GPC6: variants seen among roughly 807,000 people sequenced by gnomAD.
GPC6 encodes the protein glypican 6, also known as glypican-6.
Under a neutral mutation model 55.2 loss-of-function variants are expected in GPC6, and 14 were observed. That is an observed-to-expected ratio of 0.25 (90% confidence interval 0.17 to 0.40). The LOEUF is 0.40. Ranked by LOEUF, GPC6 falls within the 10% of genes least tolerant of loss-of-function variation. The pLI is 1.00. For missense variants in GPC6, 641 were observed against 708.5 expected (o/e 0.90, Z 1.08); for synonymous variants, 278 against 259.6 (o/e 1.07, Z -0.68).
chr13:93,310,170 T>C (rs1879015990), intron 1 of GPC6, among the ~76,000 whole-genome samples: 1 of 152,204 alleles, frequency 6.6e-6, no homozygotes, highest in African/African-American at 2.4e-5. Flanking sequence ...TGGCTTCCAC[T>C]TGATTACTCT....
At chr13:93,938,070 A>AC (rs1878530596) in intron 3 of GPC6, among the ~76,000 whole-genome samples, 1 of 133,140 alleles carries the variant, frequency 7.5e-6, no homozygotes, top group South Asian at 2.5e-4. Context: ...TTATGATCTT[A>AC]ATATTGGGAG....
intron 1 of GPC6, among the ~76,000 whole-genome samples, chr13:93,436,712 C>T (rs1877584928): frequency 2.0e-5 from 3 of 152,106 alleles, no homozygotes; most frequent in Non-Finnish European, 4.4e-5. Context: ...AGGCTTGCTG[C>T]CCACTAATAT....
chr13:93,373,724 T>A (rs1874771660), intron 1 of GPC6, among the ~76,000 whole-genome samples: 2 of 152,216 alleles, frequency 1.3e-5, no homozygotes, highest in Admixed American at 1.3e-4. Context: ...AAATTTATGT[T>A]AATCACATAG....
chr13:93,556,702 C>G (rs1875501259), intron 2 of GPC6, among the ~76,000 whole-genome samples: 1 of 151,890 alleles, frequency 6.6e-6, no homozygotes, highest in Non-Finnish European at 1.5e-5. Flanking sequence ...TCACTCGCTG[C>G]CCGTCACTCC....
At chr13:94,065,181 C>T (rs987259941) in intron 4 of GPC6, among the ~76,000 whole-genome samples, 2 of 152,098 alleles carry the variant, frequency 1.3e-5, no homozygotes, top group Non-Finnish European at 2.9e-5. Context: ...ATGGCATATG[C>T]TTTGCCTGTT....
At chr13:93,301,085 T>C (rs1455471304) in intron 1 of GPC6, among the ~76,000 whole-genome samples, 1 of 152,220 alleles carries the variant, frequency 6.6e-6, no homozygotes, top group African/African-American at 2.4e-5. Flanking sequence ...CCCGGTTCCA[T>C]TGGCAGACAT....
intron 2 of GPC6, among the ~76,000 whole-genome samples, chr13:93,734,043 A>G (rs118134293): frequency 3.3e-3 from 503 of 152,286 alleles, no homozygotes; most frequent in Non-Finnish European, 6.0e-3. Context: ...AATATTTGCT[A>G]TTGAATTCAT....
At chr13:93,311,923 C>G (rs1185513029) in intron 1 of GPC6, among the ~76,000 whole-genome samples, 2 of 152,002 alleles carry the variant, frequency 1.3e-5, no homozygotes, top group South Asian at 2.1e-4. Context: ...CAGGCAGAAG[C>G]AATTTTAGCT....
At chr13:93,990,204 G>A (rs1245934442) in intron 3 of GPC6, among the ~76,000 whole-genome samples, 1 of 151,456 alleles carries the variant, frequency 6.6e-6, no homozygotes, top group Non-Finnish European at 1.5e-5. Context: ...TTTGGATTAT[G>A]TTATTCAGAT....
intron 1 of GPC6, among the ~76,000 whole-genome samples, chr13:93,300,166 G>A (rs1344523751): frequency 6.6e-6 from 1 of 152,162 alleles, no homozygotes; most frequent in Non-Finnish European, 1.5e-5. Flanking sequence ...GTGTGTAGGA[G>A]GGGTACATCC....
chr13:93,390,300 G>T (rs1875573709), intron 1 of GPC6, among the ~76,000 whole-genome samples: 2 of 152,040 alleles, frequency 1.3e-5, no homozygotes, highest in African/African-American at 4.8e-5. Flanking sequence ...AAGCACCAGG[G>T]GTGACCAGTG....
At chr13:94,104,806 A>G (rs1238030938) in intron 4 of GPC6, among the ~76,000 whole-genome samples, 1 of 152,256 alleles carries the variant, frequency 6.6e-6, no homozygotes, top group Non-Finnish European at 1.5e-5. Context: ...GCTGCTCAAC[A>G]AAATAAAAGA....
At chr13:94,372,991 G>A (rs372030579) in intron 6 of GPC6, among the ~76,000 whole-genome samples, 1 of 152,170 alleles carries the variant, frequency 6.6e-6, no homozygotes, top group Non-Finnish European at 1.5e-5. Flanking sequence ...CAACAGACCT[G>A]CAGCTGAGGG....
chr13:94,288,930 T>TAGATAG (rs1566638339), intron 5 of GPC6, among the ~76,000 whole-genome samples: 64 of 108,216 alleles, frequency 5.9e-4, no homozygotes, highest in African/African-American at 2.8e-3. Flanking sequence ...ATATAACAAA[T>TAGATAG]ATAGATAGAT....
intron 2 of GPC6, among the ~76,000 whole-genome samples, chr13:93,700,125 G>T (rs115485237): frequency 6.6e-6 from 1 of 151,958 alleles, no homozygotes; most frequent in South Asian, 2.1e-4. Context: ...AAAATGTGGC[G>T]CACAGTTATG....
intron 3 of GPC6, among the ~76,000 whole-genome samples, chr13:93,893,917 A>G (rs533043111): frequency 6.6e-6 from 1 of 152,262 alleles, no homozygotes; most frequent in Admixed American, 6.5e-5. Flanking sequence ...ACCATTATCC[A>G]AGGCCTCTCA....
intron 5 of GPC6, among the ~76,000 whole-genome samples, chr13:94,294,309 T>C (rs1010890786): frequency 3.3e-5 from 5 of 152,274 alleles, no homozygotes; most frequent in Middle Eastern, 3.4e-3. Context: ...TACATTCCAA[T>C]TGAAACCATC....
At chr13:93,609,957 T>G (rs1229017244) in intron 2 of GPC6, among the ~76,000 whole-genome samples, 2 of 152,170 alleles carry the variant, frequency 1.3e-5, no homozygotes, top group Non-Finnish European at 2.9e-5. Context: ...TAGATTCTAT[T>G]CAGTACCTCC....
intron 2 of GPC6, among the ~76,000 whole-genome samples, chr13:93,801,645 A>C (rs1886373870): frequency 6.6e-6 from 1 of 152,162 alleles, no homozygotes; most frequent in African/African-American, 2.4e-5. Flanking sequence ...ATCCAAGCCA[A>C]AAAGAGAGAA....
Sources: allele counts gnomAD v4.1 joint callset (sites outside exome capture counted in the v4.1 genomes callset), GRCh38; gene constraint gnomAD v4.1.1; transcripts MANE v1.5; gene names NCBI Gene and HGNC (gene_info 2026-07-23, HGNC 2026-07-21).